The following BAZ2B variants were observed in gnomAD, a reference collection of about 807,000 sequenced individuals.
BAZ2B encodes bromodomain adjacent to zinc finger domain 2B.
A neutral mutation model predicts 246.0 loss-of-function variants in BAZ2B; 91 were observed. That is an observed-to-expected ratio of 0.37 (90% CI 0.31 to 0.44). The LOEUF (loss-of-function observed/expected upper bound fraction) is 0.44. Among genes scored for constraint, BAZ2B ranks in the 20% least tolerant of loss-of-function variants. The pLI is 1.00. For synonymous variants in BAZ2B, 855 were observed against 860.0 expected, an observed-to-expected ratio of 0.99 and a Z score of 0.10; for missense variants, 2,332 against 2,533.7, an observed-to-expected ratio of 0.92 and a Z score of 1.71.
At chr2:159,384,512 G>A (rs1407162569) in intron 23 of BAZ2B, among the ~76,000 whole-genome samples, 1 of 152,028 alleles carries the variant, frequency 6.6e-6, no homozygotes, top group Non-Finnish European at 1.5e-5. Flanking sequence ...ACTAAAAGTT[G>A]TTAAAAATCT....
At chr2:159,373,701 A>G (rs969280642) in intron 26 of BAZ2B, among the ~76,000 whole-genome samples, 1 of 152,094 alleles carries the variant, frequency 6.6e-6, no homozygotes, top group African/African-American at 2.4e-5. Flanking sequence ...GCACGGTGGC[A>G]CATGCCTGTA....
At chr2:159,458,158 C>A (rs550667967) in intron 3 of BAZ2B, among the ~76,000 whole-genome samples, 20 of 151,354 alleles carry the variant, frequency 1.3e-4, no homozygotes, top group African/African-American at 4.9e-4. Context: ...CAGCTGTGTG[C>A]CACTACGTCC....
intron 2 of BAZ2B, among the ~76,000 whole-genome samples, chr2:159,492,942 A>G (rs1025649730): frequency 5.3e-5 from 8 of 152,218 alleles, no homozygotes; most frequent in African/African-American, 1.4e-4. Context: ...TGTTTTTGAC[A>G]CTTTCGGCAC....
At chr2:159,522,890 G>A (rs557894502) in intron 2 of BAZ2B, among the ~76,000 whole-genome samples, 9 of 152,206 alleles carry the variant, frequency 5.9e-5, no homozygotes, top group Admixed American at 5.9e-4. Flanking sequence ...AAAACATGGT[G>A]ATAGGGTTTG....
chr2:159,689,957 G>A, the BAZ2B span: 24,752 of 356,758 alleles, frequency 0.069, 1,103 homozygotes, highest in Middle Eastern at 0.16. Flanking sequence ...ATCAACAGGA[G>A]CTTCGATCAT....
chr2:159,514,631 G>A (rs1266067234), intron 2 of BAZ2B, among the ~76,000 whole-genome samples: 1 of 152,160 alleles, frequency 6.6e-6, no homozygotes, highest in Non-Finnish European at 1.5e-5. Flanking sequence ...TCTGAATTGT[G>A]TTAGTGTTTT....
At chr2:159,464,615 G>A (rs139911375) in intron 3 of BAZ2B, 50 of 152,230 alleles carry the variant, frequency 3.3e-4, no homozygotes, top group African/African-American at 1.0e-3. Flanking sequence ...ACTGGGAGCC[G>A]CGGTAGCTTT....
At chr2:159,696,808 C>T in the BAZ2B span, among the ~76,000 whole-genome samples, 917 of 152,244 alleles carry the variant, frequency 6.0e-3, 5 homozygotes, top group South Asian at 0.035. Context: ...TGTTCTGAGA[C>T]GGAGTCTTGC....
chr2:159,693,718 T>A, the BAZ2B span: 2 of 152,392 alleles, frequency 1.3e-5, no homozygotes. Flanking sequence ...ATCTTTTTTT[T>A]TTTTTTAAGA....
intron 2 of BAZ2B, among the ~76,000 whole-genome samples, chr2:159,504,477 T>A (rs764864799): frequency 8.5e-5 from 13 of 152,188 alleles, no homozygotes; most frequent in Non-Finnish European, 1.3e-4. Flanking sequence ...TAGTTGAGAC[T>A]ACAGGCACAT....
chr2:159,689,332 T>C, the BAZ2B span: 1 of 371,948 alleles, frequency 2.7e-6, no homozygotes, highest in Non-Finnish European at 4.9e-6. Context: ...CCATGAGTTT[T>C]CCCAATTCAA....
At chr2:159,476,204 C>G (rs897208875) in intron 3 of BAZ2B, among the ~76,000 whole-genome samples, 7 of 152,092 alleles carry the variant, frequency 4.6e-5, no homozygotes, top group Non-Finnish European at 1.0e-4. Flanking sequence ...AAGCCCCTGA[C>G]TGGGGCTGCT....
At chr2:159,651,208 T>C in the BAZ2B span, among the ~76,000 whole-genome samples, 1 of 152,100 alleles carries the variant, frequency 6.6e-6, no homozygotes, top group Non-Finnish European at 1.5e-5. Flanking sequence ...AAAATAGAAA[T>C]GGGTTGGTAC....
At chr2:159,477,608 T>C (rs183817237) in intron 3 of BAZ2B, among the ~76,000 whole-genome samples, 31 of 152,206 alleles carry the variant, frequency 2.0e-4, no homozygotes, top group Admixed American at 2.0e-3. Context: ...AAGAAAAATA[T>C]CATTTAGTTT....
intron 27 of BAZ2B, among the ~76,000 whole-genome samples, chr2:159,356,960 C>G (rs1203577976): frequency 6.6e-6 from 1 of 152,154 alleles, no homozygotes; most frequent in Non-Finnish European, 1.5e-5. Flanking sequence ...CACAGAAACT[C>G]CATCCGAAGC....
the BAZ2B span, chr2:159,689,319 G>T: frequency 2.6e-6 from 1 of 387,838 alleles, no homozygotes; most frequent in Non-Finnish European, 4.7e-6. Flanking sequence ...TCACCATGAA[G>T]CTCCATGAGT....
intron 2 of BAZ2B, among the ~76,000 whole-genome samples, chr2:159,554,843 CT>C: frequency 6.6e-6 from 1 of 152,006 alleles, no homozygotes; most frequent in South Asian, 2.1e-4. Flanking sequence ...GATAAAGGCC[CT>C]GGAAAAGTTT....
chr2:159,359,480 A>G (rs1392713063), intron 27 of BAZ2B, among the ~76,000 whole-genome samples: 2 of 152,172 alleles, frequency 1.3e-5, no homozygotes, highest in African/African-American at 2.4e-5. Flanking sequence ...TACCAGCCAA[A>G]AAAAGCTCAG....
Position 159,412,322 on chromosome 2 carries a change from TTA to T in BAZ2B, c.2677+11_2677+12del. ...AGTATGATTATTAGTGTCAGACACATTATGTTTCTTACCTTGAGCTTGCAGTT... is the reference window on the plus strand; with the variant it reads ...AGTATGATTATTAGTGTCAGACACATTGTTTCTTACCTTGAGCTTGCAGTT... On this transcript the variant is annotated intron_variant, in intron 14 of 36. Transcript: ENST00000392783. 1 of 1,612,080 alleles carries T rather than the reference TTA, an allele frequency of 6.2e-7. No homozygotes were observed. The highest frequency in any genetic ancestry group is 8.5e-7 in the Non-Finnish European group (1 of 1,178,150).
Sources: gnomAD v4.1 joint callset for allele counts (sites outside exome capture counted in the v4.1 genomes callset) on GRCh38, gnomAD v4.1.1 for gene constraint, MANE v1.5 for transcripts, NCBI Gene and HGNC (gene_info 2026-07-23, HGNC 2026-07-21) for gene names.